SORCS1: variants seen among roughly 807,000 people sequenced by gnomAD.
SORCS1 encodes VPS10 domain-containing receptor SorCS1.
Under a neutral mutation model 146.1 loss-of-function variants are expected in SORCS1, and 60 were observed. The ratio of observed to expected loss-of-function variants is 0.41; its 90% confidence interval spans 0.33 to 0.51. The LOEUF is 0.51. SORCS1 is among the 20% of genes least tolerant of loss of function. SORCS1 has a pLI of 0.21. For synonymous variants in SORCS1, 637 were observed against 584.0 expected (o/e 1.09, Z -1.31); for missense variants, 1,352 against 1,487.6 (o/e 0.91, Z 1.50).
intron 6 of SORCS1, among the ~76,000 whole-genome samples, chr10:106,716,113 AAC>A (rs1445951506): frequency 1.3e-5 from 2 of 152,146 alleles, no homozygotes; most frequent in Non-Finnish European, 2.9e-5. Context: ...CGTTTTTAAA[AAC>A]ACCATGAAAA....
chr10:106,962,980 C>T (rs77131090), intron 1 of SORCS1, among the ~76,000 whole-genome samples: 3,715 of 151,910 alleles, frequency 0.024, 123 homozygotes, highest in South Asian at 0.12. Flanking sequence ...ATTGTTTAGA[C>T]GTATTTACAG....
At chr10:106,883,603 C>T (rs139047135) in intron 2 of SORCS1, among the ~76,000 whole-genome samples, 2,131 of 151,946 alleles carry the variant, frequency 0.014, 63 homozygotes, top group African/African-American at 0.049. Context: ...TTAGTAGAGA[C>T]GGGGTTTCAC....
At chr10:106,794,776 T>C (rs1946469938) in intron 3 of SORCS1, among the ~76,000 whole-genome samples, 1 of 152,200 alleles carries the variant, frequency 6.6e-6, no homozygotes, top group African/African-American at 2.4e-5. Flanking sequence ...GTGCTGGGAT[T>C]ACAGGCGTGA....
At chr10:106,996,629 C>A (rs1449815414) in intron 1 of SORCS1, among the ~76,000 whole-genome samples, 1 of 152,156 alleles carries the variant, frequency 6.6e-6, no homozygotes, top group Non-Finnish European at 1.5e-5. Flanking sequence ...CCAAAAAAAT[C>A]AGAAGCATAT....
At chr10:106,908,690 A>G (rs1372156919) in intron 2 of SORCS1, among the ~76,000 whole-genome samples, 1 of 152,154 alleles carries the variant, frequency 6.6e-6, no homozygotes, top group Non-Finnish European at 1.5e-5. Context: ...TACACACAGC[A>G]TGCCATTAAC....
At chr10:106,599,609 T>C (rs1846117266) in intron 23 of SORCS1, among the ~76,000 whole-genome samples, 1 of 151,740 alleles carries the variant, frequency 6.6e-6, no homozygotes, top group South Asian at 2.1e-4. Flanking sequence ...TCAGAAAAAA[T>C]ATTTTTTATT....
intron 18 of SORCS1, among the ~76,000 whole-genome samples, chr10:106,633,903 C>T (rs1226147513): frequency 6.6e-6 from 1 of 152,048 alleles, no homozygotes; most frequent in African/African-American, 2.4e-5. Flanking sequence ...GGTCTGCAGC[C>T]GATGCTAGGC....
At chr10:106,834,581 C>T (rs527504783) in intron 2 of SORCS1, among the ~76,000 whole-genome samples, 63 of 151,848 alleles carry the variant, frequency 4.1e-4, no homozygotes, top group African/African-American at 1.2e-3. Context: ...ATCTTAATTT[C>T]GTAAGAAAGA....
chr10:106,940,989 C>T (rs1266320583), intron 2 of SORCS1, among the ~76,000 whole-genome samples: 4 of 152,208 alleles, frequency 2.6e-5, no homozygotes, highest in Non-Finnish European at 5.9e-5. Flanking sequence ...GGCTCTGGAG[C>T]TCGACTGGTT....
chr10:107,058,124 C>T (rs1960825448), intron 1 of SORCS1, among the ~76,000 whole-genome samples: 1 of 152,206 alleles, frequency 6.6e-6, no homozygotes, highest in South Asian at 2.1e-4. Context: ...TCACTGCAAA[C>T]TCCACCTCCC....
intron 18 of SORCS1, among the ~76,000 whole-genome samples, chr10:106,636,512 C>T (rs542594360): frequency 1.3e-5 from 2 of 152,074 alleles, no homozygotes; most frequent in Admixed American, 1.3e-4. Flanking sequence ...TAGGGAAGGC[C>T]TCAGGAAACT....
At chr10:106,627,059 A>G (rs1345807686) in intron 19 of SORCS1, among the ~76,000 whole-genome samples, 1 of 152,222 alleles carries the variant, frequency 6.6e-6, no homozygotes, top group Non-Finnish European at 1.5e-5. Flanking sequence ...TTCTTTTAGA[A>G]GGGTTTCCGC....
chr10:106,770,661 A>G (rs558975532), intron 4 of SORCS1, among the ~76,000 whole-genome samples: 1 of 152,214 alleles, frequency 6.6e-6, no homozygotes, highest in Non-Finnish European at 1.5e-5. Flanking sequence ...CATAAAAATA[A>G]GAAAACTTCA....
chr10:107,004,088 A>T (rs1246348634), intron 1 of SORCS1, among the ~76,000 whole-genome samples: 1 of 146,836 alleles, frequency 6.8e-6, no homozygotes, highest in Non-Finnish European at 1.5e-5. Flanking sequence ...AGGCAGGAGA[A>T]TGGCGTGAAC....
chr10:107,039,615 C>G (rs1413737465), intron 1 of SORCS1, among the ~76,000 whole-genome samples: 2 of 152,162 alleles, frequency 1.3e-5, no homozygotes, highest in Admixed American at 6.5e-5. Context: ...GCGGGATCAG[C>G]TGGAAGGGAT....
At chr10:107,016,639 C>A (rs1957910259) in intron 1 of SORCS1, among the ~76,000 whole-genome samples, 2 of 152,150 alleles carry the variant, frequency 1.3e-5, no homozygotes, top group South Asian at 4.1e-4. Flanking sequence ...TTTAATAGGA[C>A]ACTTAAGCAC....
In SORCS1 at chr10:107,067,296, C is replaced by CT. The variant is rs145060045; in HGVS notation, c.558+96672dup. Among the ~76,000 whole-genome samples the CT allele has an allele frequency of 1.1e-3, 158 of 146,298 alleles. 2 individuals are homozygous for CT. Among genetic ancestry groups the CT allele is most frequent in the South Asian group, 2.4e-3 (11 of 4,606 alleles). On this transcript the variant is annotated intron_variant, in intron 1 of 25. Transcript: ENST00000263054. ...AGAGTGGCTACTTAGTTCAACTTAACTTTTTTTTTTTTTTTTCCAACAGGT... is the reference window on the plus strand; with the variant it reads ...AGAGTGGCTACTTAGTTCAACTTAACTTTTTTTTTTTTTTTTTCCAACAGGT...
intron 18 of SORCS1, among the ~76,000 whole-genome samples, chr10:106,651,644 G>A (rs965817607): frequency 1.3e-5 from 2 of 152,102 alleles, no homozygotes; most frequent in Non-Finnish European, 2.9e-5. Context: ...CCATAATTAG[G>A]TACCCAGAAA....
intron 3 of SORCS1, among the ~76,000 whole-genome samples, chr10:106,782,075 G>T (rs191367493): frequency 2.6e-5 from 4 of 152,000 alleles, no homozygotes; most frequent in Non-Finnish European, 4.4e-5. Flanking sequence ...GCACAAAATC[G>T]CGTCATTCAA....
Sources: gnomAD v4.1 joint callset for allele counts (sites outside exome capture counted in the v4.1 genomes callset) on GRCh38, gnomAD v4.1.1 for gene constraint, MANE v1.5 for transcripts, NCBI Gene and HGNC (gene_info 2026-07-23, HGNC 2026-07-21) for gene names.